The following SHC2 variants were observed in gnomAD, a reference collection of about 807,000 sequenced individuals.
SHC2 encodes SHC adaptor protein 2, also known as SHC-transforming protein 2.
SHC2 carries 62 observed loss-of-function variants against 60.6 expected under a neutral mutation model. The observed-to-expected ratio is 1.02, with a 90% CI of 0.83 to 1.26. The LOEUF (loss-of-function observed/expected upper bound fraction) is 1.26, where lower values mean the gene tolerates loss of function less well. Ranked by LOEUF, SHC2 falls within the 50% of genes most tolerant of loss-of-function variation. The pLI is 0.00. For synonymous variants in SHC2, 375 were observed against 372.4 expected (o/e 1.01, Z -0.08); for missense variants, 873 against 822.2 (o/e 1.06, Z -0.76).
intron 1 of SHC2, among the ~76,000 whole-genome samples, chr19:443,774 GTGGA>G (rs560768085): frequency 0.024 from 3,182 of 134,984 alleles, 52 homozygotes; most frequent in Non-Finnish European, 0.038. Flanking sequence ...GGACAGATGG[GTGGA>G]TGGATGGATG....
Position 419,061 on chromosome 19 carries a change from G to A in SHC2, c.1621-5C>T, listed in dbSNP as rs369901706. 1.1e-4 allele frequency: 167 copies of A among 1,573,694 alleles called. No homozygotes were observed. Among genetic ancestry groups the A allele is most frequent in the East Asian group, 1.1e-3 (45 of 42,856 alleles). ...CAGCACGTCCTTCGTCCGTACCTGCGGGACAGAGACCTCGGCATCAGCTCC... is the reference window on the plus strand; with the variant it reads ...CAGCACGTCCTTCGTCCGTACCTGCAGGACAGAGACCTCGGCATCAGCTCC... On this transcript the variant is annotated splice_polypyrimidine_tract_variant and splice_region_variant and intron_variant, in intron 11 of 12. Transcript: ENST00000264554.
At chr19:426,372 C>A (rs1225135084) in intron 9 of SHC2, among the ~76,000 whole-genome samples, 1 of 142,652 alleles carries the variant, frequency 7.0e-6, no homozygotes, top group African/African-American at 2.6e-5. Flanking sequence ...GAGGCAGAGT[C>A]CGGGGAGGGA....
At position 441,520 on chromosome 19, in the gene SHC2, A is replaced by G. The variant is rs1974868875; in HGVS notation, c.469-588T>C. 2.0e-5 allele frequency among the ~76,000 whole-genome samples: 3 copies of G among 151,862 alleles called. No homozygotes were observed. The highest frequency in any genetic ancestry group is 4.4e-5 in the Non-Finnish European group (3 of 67,980). On this transcript the variant is annotated intron_variant, in intron 1 of 12. Transcript: ENST00000264554. This position sits in a 1 kb window ranked among gnomAD's most constrained non-coding sequence, Gnocchi z 4.9. ...GTCCCTGACCTGCTTCAGTGCCGTA[A>G]AGGGTGGGGGAACAGGGCCAGGAGG...
intron 1 of SHC2, among the ~76,000 whole-genome samples, chr19:449,162 T>G (rs2145744724): frequency 6.6e-6 from 1 of 151,034 alleles, no homozygotes; most frequent in South Asian, 2.1e-4. Context: ...AGCCAGACTC[T>G]GTCTCTAAAA....
In SHC2 at chr19:427,964, GGCACAGGGAAGAGAAATTGCACCCC is replaced by G. The variant is rs879649031; in HGVS notation, c.1174+2695_1174+2719del. 1.3e-4 allele frequency among the ~76,000 whole-genome samples: 20 copies of G among 152,128 alleles called. 1 individual carries two copies. The highest frequency in any genetic ancestry group is 1.0e-3 in the Admixed American group (16 of 15,272). The stretch of plus-strand genomic sequence containing the variant: ...GGCCACATGGCACAGGGGAGGGGAC[GGCACAGGGAAGAGAAATTGCACCCC>G]GCACAGGGAAGGGAGGATCTCTTGA... On this transcript the variant is annotated intron_variant, in intron 9 of 12. Transcript: ENST00000264554.
intron 1 of SHC2, among the ~76,000 whole-genome samples, chr19:456,009 G>T (rs900311404): frequency 1.3e-5 from 2 of 152,124 alleles, no homozygotes; most frequent in African/African-American, 2.4e-5. Flanking sequence ...CGTGCGTGAC[G>T]AGTGCCCTCA....
At chr19:430,541 G>C in intron 9 of SHC2, 143 bp downstream of exon 9, 1 of 658,488 alleles carries the variant, frequency 1.5e-6, no homozygotes, top group Non-Finnish European at 2.6e-6. Context: ...GAAAATCTCA[G>C]CAGAGTGTTA....
intron 1 of SHC2, among the ~76,000 whole-genome samples, chr19:454,442 C>A (rs143590043): frequency 1.3e-5 from 2 of 152,168 alleles, no homozygotes; most frequent in Non-Finnish European, 2.9e-5. Context: ...CCCGGGAAGG[C>A]GGTCGGTCTC....
At chr19:444,295 G>T (rs1974998802) in intron 1 of SHC2, among the ~76,000 whole-genome samples, 1 of 152,128 alleles carries the variant, frequency 6.6e-6, no homozygotes, top group Non-Finnish European at 1.5e-5. Context: ...CCACTGAGGA[G>T]GCAGCTTTGG....
intron 1 of SHC2, among the ~76,000 whole-genome samples, chr19:455,278 C>G (rs1975311132): frequency 6.6e-6 from 1 of 152,078 alleles, no homozygotes; most frequent in Non-Finnish European, 1.5e-5. Context: ...GTGGTGACAG[C>G]CCTAAAGGCA....
chr19:459,331 TAGGGGGAAGGACCCCACTGAAG>T (rs2145766630), intron 1 of SHC2, among the ~76,000 whole-genome samples: 1 of 129,484 alleles, frequency 7.7e-6, no homozygotes, highest in African/African-American at 3.2e-5. Flanking sequence ...GAACCCAGCG[TAGGGGGAAGGACCCCACTGAAG>T]CCAGCGTAGG....
chr19:458,099 C>T lies in SHC2; in HGVS notation c.468+2430G>A, dbSNP rs1274797003. 2.0e-3 allele frequency among the ~76,000 whole-genome samples: 224 copies of T among 111,260 alleles called. 5 individuals are homozygous for T. The highest frequency in any genetic ancestry group is 2.8e-3 in the Non-Finnish European group (140 of 50,710). 73.0% of individuals were successfully genotyped at this position (111,260 alleles called of 152,430 possible). ...GGGTCTTGGGGAGGCGGAAGTGGGT[C>T]CCGGGGAGGCAGAAGCGGGTCTTGG... On this transcript the variant is annotated intron_variant, in intron 1 of 12. Transcript: ENST00000264554.
In SHC2 at chr19:446,135, G is replaced by A. The variant is rs1297972223; in HGVS notation, c.469-5203C>T. On this transcript the variant is annotated intron_variant, in intron 1 of 12. Transcript: ENST00000264554. The surrounding 1 kb of genome is among the most constrained non-coding windows in gnomAD (Gnocchi z 5.4). ...GAAGGGAGGGGCCGTGTGCAGCCGA[G>A]GACACCAAGGCCGGCCCCCAGGCAC... Among the ~76,000 whole-genome samples the A allele has an allele frequency of 1.3e-5, 2 of 151,996 alleles. No individual in the cohort carries two copies. Among genetic ancestry groups the A allele is most frequent in the African/African-American group, 2.4e-5 (1 of 41,378 alleles).
rs767421101 is a variant in SHC2 at position 422,360 on chromosome 19, G to T, written c.1406C>A (p.Pro469His). 4.4e-6 allele frequency: 7 copies of T among 1,604,948 alleles called. No individual in the cohort carries two copies. In the Admixed American group the frequency reaches 1.2e-4, roughly 27 times the overall value. Residue 469 changes from proline to histidine, a missense_variant, in exon 11 of 13, where the codon CCT becomes CAT. Transcript: ENST00000264554. This position sits in a 1 kb window ranked among gnomAD's most constrained non-coding sequence, Gnocchi z 5.0. ...GGGGGCCACAGGGGCCCGGCGGGTA[G>T]GGGGGCTGGGCCACTGGTCCTCCAA... ...LPLEDQWPSP[P>H]TRRAPVAPTE...
rs2145718963 is a variant in SHC2, at chr19:436,017, T to C, written c.953+148A>G. ...GGTGTTAACAGCCGAGGAAACAGGATCCTCTGGCTGAGCCATATTCTCACG... is the reference window on the plus strand; with the variant it reads ...GGTGTTAACAGCCGAGGAAACAGGACCCTCTGGCTGAGCCATATTCTCACG... On this transcript the variant is annotated intron_variant, in intron 7 of 12. Coordinates refer to ENST00000264554, the MANE Select transcript of SHC2 (RefSeq NM_012435.3). 6.0e-6 allele frequency: 5 copies of C among 829,226 alleles called. No homozygotes were observed. In the South Asian group the frequency reaches 8.9e-5, roughly 15 times the overall value. 51.4% of individuals were successfully genotyped at this position (829,226 alleles called of 1,614,324 possible).
Position 418,890 on chromosome 19 carries a change from C to A in SHC2, c.*5+33G>T, listed in dbSNP as rs762653610. The A allele has an allele frequency of 6.4e-6, 10 of 1,566,212 alleles. No individual in the cohort carries two copies. The South Asian group carries it at 1.2e-4, about 18-fold the overall frequency. Reference sequence around the variant, plus strand: ...TCAGAAAAGAATCTGGCAAAGGAGGCAAGGCCAGCGACCCACGGCGGCAGC... The same window carrying A: ...TCAGAAAAGAATCTGGCAAAGGAGGAAAGGCCAGCGACCCACGGCGGCAGC... On this transcript the variant is annotated intron_variant, in intron 12 of 12. Coordinates refer to ENST00000264554, the MANE Select transcript of SHC2 (RefSeq NM_012435.3).
At chr19:458,744 C>CGG (rs1568301092) in intron 1 of SHC2, among the ~76,000 whole-genome samples, 1 of 104,580 alleles carries the variant, frequency 9.6e-6, no homozygotes, top group Non-Finnish European at 2.0e-5. Context: ...TCCGGGGAGG[C>CGG]GGAAGCGGGT....
chr19:440,904 GA>G lies in SHC2; in HGVS notation c.496del (p.Ser166LeufsTer13), dbSNP rs1974848130. On this transcript the variant is annotated frameshift_variant, in exon 2 of 13. Coordinates refer to ENST00000264554, the MANE Select transcript of SHC2 (RefSeq NM_012435.3). LOFTEE classifies it high-confidence loss of function. The surrounding 1 kb of genome is among the most constrained non-coding windows in gnomAD (Gnocchi z 7.0). ...CGTGTTAAAGTCCAGGGAGCGCATA[GA>G]GCGGAGAACCTCGATGCAGCCCATG... Reference protein sequence around the residue: ...RYMGCIEVLRSMRSLDFNTRT... With the variant: ...RYMGCIEVLRXMRSLDFNTRT... The G allele has an allele frequency of 6.2e-7, 1 of 1,612,768 alleles. No homozygotes were observed. Among genetic ancestry groups the G allele is most frequent in the African/African-American group, 1.3e-5 (1 of 74,932 alleles).
At chr19:454,343 A>C (rs1320274588) in intron 1 of SHC2, among the ~76,000 whole-genome samples, 1 of 152,088 alleles carries the variant, frequency 6.6e-6, no homozygotes, top group Non-Finnish European at 1.5e-5. Context: ...CCCCATTCAC[A>C]AAAGGAGCCC....
Sources: allele counts gnomAD v4.1 joint callset (sites outside exome capture counted in the v4.1 genomes callset), GRCh38; gene constraint gnomAD v4.1.1; non-coding constraint Gnocchi (gnomAD v3.1); transcripts MANE v1.5; gene names NCBI Gene and HGNC (gene_info 2026-07-23, HGNC 2026-07-21).